The following STAM2 variants were observed in gnomAD, a reference collection of about 807,000 sequenced individuals.
The protein encoded by STAM2 is signal transducing adapter molecule 2.
In STAM2, 51 loss-of-function variants were observed where a neutral mutation model predicts 65.6. The observed-to-expected ratio is 0.78, with a 90% CI of 0.62 to 0.98. STAM2 has a LOEUF of 0.98. STAM2 is among the 50% of genes least tolerant of loss of function. The probability of loss-of-function intolerance (pLI) is 0.00; values close to 1 mark genes in which losing one functional copy is unlikely to be tolerated. For synonymous variants in STAM2, 198 were observed against 208.4 expected, an observed-to-expected ratio of 0.95 and a Z score of 0.43; for missense variants, 584 against 617.8, an observed-to-expected ratio of 0.95 and a Z score of 0.58.
At chr2:152,147,891 G>T in intron 4 of STAM2, 133 bp downstream of exon 4, 1 of 712,188 alleles carries the variant, frequency 1.4e-6, no homozygotes, top group Non-Finnish European at 2.3e-6. Flanking sequence ...TCAAATTTCA[G>T]AACAGTTTAT....
chr2:152,131,776 G>T, intron 11 of STAM2: 2 of 253,370 alleles, frequency 7.9e-6, no homozygotes, highest in South Asian at 1.3e-4. Flanking sequence ...CAGTGGCAAT[G>T]ATGGGCACGG....
intron 1 of STAM2, among the ~76,000 whole-genome samples, chr2:152,151,386 T>C (rs1393260754): frequency 1.3e-5 from 2 of 152,080 alleles, no homozygotes; most frequent in African/African-American, 2.4e-5. Context: ...TTCACCATAT[T>C]GGTCAGGCTG....
chr2:152,154,003 C>T (rs1437840297), intron 1 of STAM2, among the ~76,000 whole-genome samples: 3 of 152,042 alleles, frequency 2.0e-5, no homozygotes, highest in Non-Finnish European at 4.4e-5. Context: ...ACAACTCCTT[C>T]CTTGGTTAAG....
At position 152,143,961 on chromosome 2, in the gene STAM2, G is replaced by C; in HGVS notation, c.570C>G (p.Ser190=). The C allele has an allele frequency of 6.2e-7, 1 of 1,613,526 alleles. No homozygotes were observed. The highest frequency in any genetic ancestry group is 8.5e-7 in the Non-Finnish European group (1 of 1,179,826). ...EQKQQHTETK[S]LYPSSEIQLN... Reference sequence around the variant, plus strand: ...ACTGAATTTCTGAAGATGGATATAAGGATTTTGTTTCTGTGTGTTGCTGTT... The same window carrying C: ...ACTGAATTTCTGAAGATGGATATAACGATTTTGTTTCTGTGTGTTGCTGTT... Residue 190 remains serine (S), a synonymous_variant, in exon 7 of 14, where the codon TCC becomes TCG. Coordinates refer to ENST00000263904, the MANE Select transcript of STAM2 (RefSeq NM_005843.6).
chr2:152,123,996 T>C (rs979639978), intron 12 of STAM2, 61 bp from the exon 13 acceptor site: 2 of 1,379,620 alleles, frequency 1.4e-6, no homozygotes, highest in African/African-American at 2.9e-5. Flanking sequence ...TAATAATATA[T>C]TTAAAATGTT....
At chr2:152,139,715 A>AT (rs1290767768) in intron 7 of STAM2, among the ~76,000 whole-genome samples, 1 of 152,196 alleles carries the variant, frequency 6.6e-6, no homozygotes, top group African/African-American at 2.4e-5. Flanking sequence ...GAATCAACTG[A>AT]TTTAGTAGAG....
chr2:152,173,454 T>C (rs1689940704), intron 1 of STAM2, among the ~76,000 whole-genome samples: 1 of 147,812 alleles, frequency 6.8e-6, no homozygotes, highest in African/African-American at 2.5e-5. Context: ...TGGAGGGCAG[T>C]GGCGAGATAT....
chr2:152,173,252 G>T (rs1423997388), intron 1 of STAM2, among the ~76,000 whole-genome samples: 1 of 148,816 alleles, frequency 6.7e-6, no homozygotes, highest in Middle Eastern at 3.2e-3. Flanking sequence ...GAATCAAAGA[G>T]AACAAGTGAA....
chr2:152,160,327 C>T (rs1297081780), intron 1 of STAM2, among the ~76,000 whole-genome samples: 54 of 151,662 alleles, frequency 3.6e-4, no homozygotes, highest in African/African-American at 1.3e-3. Context: ...AAGTGAGGAG[C>T]GTCTCTGCCT....
chr2:152,121,022 G>A (rs947957031), intron 13 of STAM2, among the ~76,000 whole-genome samples: 30 of 151,956 alleles, frequency 2.0e-4, no homozygotes, highest in African/African-American at 7.3e-4. Context: ...CCAGGCTGGG[G>A]TGCAGATCAT....
intron 12 of STAM2, chr2:152,124,215 G>A: frequency 2.9e-6 from 1 of 344,118 alleles, no homozygotes; most frequent in Non-Finnish European, 5.4e-6. Flanking sequence ...ATCTATCCAG[G>A]TTGCCTATTA....
At chr2:152,169,104 C>G (rs1440918083) in intron 1 of STAM2, among the ~76,000 whole-genome samples, 1 of 152,032 alleles carries the variant, frequency 6.6e-6, no homozygotes, top group Non-Finnish European at 1.5e-5. Flanking sequence ...GGGAGAATGA[C>G]AAATATCACT....
At position 152,117,545 on chromosome 2, in the gene STAM2, C is replaced by T. The variant is rs1196933720; in HGVS notation, c.*3029G>A. 6.6e-6 allele frequency: 1 copy of T among 151,910 alleles called. No individual in the cohort carries two copies. Among genetic ancestry groups the T allele is most frequent in the Non-Finnish European group, 1.5e-5 (1 of 67,992 alleles). 9.4% of individuals were successfully genotyped at this position (151,910 alleles called of 1,614,324 possible). ...ATCAAATCCCTAAAACTGAGTATTC[C>T]CATTTACTAACTGGCTAAAACTGAT... On this transcript the variant is annotated 3_prime_UTR_variant, in exon 14 of 14. Transcript: ENST00000263904.
chr2:152,144,146 G>T, intron 6 of STAM2, 133 bp from the exon 7 acceptor site: 1 of 717,130 alleles, frequency 1.4e-6, no homozygotes. Flanking sequence ...GTTAACTTTC[G>T]GGAGGGTGGG....
intron 10 of STAM2, 142 bp downstream of exon 10, chr2:152,133,031 T>C (rs1035832046): frequency 6.9e-6 from 2 of 290,506 alleles, no homozygotes; most frequent in Non-Finnish European, 1.2e-5. Context: ...AGTAATACTT[T>C]TACTATTTTA....
intron 8 of STAM2, among the ~76,000 whole-genome samples, chr2:152,134,085 A>G (rs1689110830): frequency 6.9e-6 from 1 of 145,566 alleles, no homozygotes; most frequent in African/African-American, 2.5e-5. Flanking sequence ...TAAACCCAGA[A>G]AACTATTTAA....
intron 11 of STAM2, among the ~76,000 whole-genome samples, chr2:152,127,591 G>A (rs1370015587): frequency 6.7e-6 from 1 of 149,784 alleles, no homozygotes; most frequent in African/African-American, 2.5e-5. Context: ...CCATGAAAGT[G>A]TCAACTGAAA....
At chr2:152,141,138 C>CAAAAAAAA (rs72256027) in intron 7 of STAM2, among the ~76,000 whole-genome samples, 1 of 109,644 alleles carries the variant, frequency 9.1e-6, no homozygotes, top group Non-Finnish European at 1.9e-5. Flanking sequence ...GACCCTGTCT[C>CAAAAAAAA]AAAAAAAAAA....
At chr2:152,174,067 T>C (rs550458292) in intron 1 of STAM2, among the ~76,000 whole-genome samples, 1 of 152,270 alleles carries the variant, frequency 6.6e-6, no homozygotes, top group East Asian at 1.9e-4. Context: ...AAACCAATGC[T>C]GGGGCCTCGG....
Sources: allele counts gnomAD v4.1 joint callset (sites outside exome capture counted in the v4.1 genomes callset), GRCh38; gene constraint gnomAD v4.1.1; transcripts MANE v1.5; gene names NCBI Gene and HGNC (gene_info 2026-07-23, HGNC 2026-07-21).